KCNA2: variants seen among roughly 807,000 people sequenced by gnomAD.
KCNA2 encodes potassium voltage-gated channel subfamily A member 2, also known as potassium channel, voltage gated shaker related subfamily A, member 2.
A neutral mutation model predicts 33.4 loss-of-function variants in KCNA2; 11 were observed. The ratio of observed to expected loss-of-function variants is 0.33; its 90% CI spans 0.21 to 0.55. The LOEUF is 0.55. Ranked by LOEUF, KCNA2 falls within the 20% of genes least tolerant of loss-of-function variation. KCNA2 has a pLI of 0.93. For synonymous variants in KCNA2, 222 were observed against 231.3 expected (o/e 0.96, Z 0.37); for missense variants, 291 against 621.6 (o/e 0.47, Z 5.66).
At position 110,596,415 on chromosome 1, in the gene KCNA2, C is replaced by T. The variant is rs1016116922; in HGVS notation, c.*6868G>A. On this transcript the variant is annotated 3_prime_UTR_variant, in exon 3 of 3. Transcript: ENST00000316361. ...ACTCAGGACCAATTAACCAAAACCT[C>T]GATTGACAAGAATTATGTTTTCTTA... is the stretch of plus-strand genomic sequence containing the variant. 3.3e-5 allele frequency: 7 copies of T among 213,724 alleles called. No individual in the cohort carries two copies. The highest frequency in any genetic ancestry group is 6.5e-5 in the Admixed American group (1 of 15,336). 13.2% of individuals were successfully genotyped at this position (213,724 alleles called of 1,614,324 possible).
Position 110,611,791 on chromosome 1 carries a change from G to A in KCNA2, c.-495-6069C>T, listed in dbSNP as rs181237050. 1.1e-3 allele frequency among the ~76,000 whole-genome samples: 170 copies of A among 151,728 alleles called. 1 individual carries two copies. Among genetic ancestry groups the A allele is most frequent in the African/African-American group, 3.8e-3 (158 of 41,354 alleles). ...TAATTCTAACACTCTGGGAGGTTGA[G>A]GAAAGTGGATTGTTTGAGCCCAGGA... On this transcript the variant is annotated intron_variant, in intron 1 of 4. Transcript: ENST00000369770.
At position 110,603,019 on chromosome 1, in the gene KCNA2, C is replaced by T. The variant is rs996977127; in HGVS notation, c.*264G>A. 4.5e-6 allele frequency: 6 copies of T among 1,338,200 alleles called. No individual in the cohort carries two copies. In the African/African-American group the frequency reaches 8.9e-5, roughly 20 times the overall value. 82.9% of individuals were successfully genotyped at this position (1,338,200 alleles called of 1,614,324 possible). ...CACTGTGTATGGGATATGAGGTGGC[C>T]TCAACGTGTCTATCTGAAATCCTAG... On this transcript the variant is annotated 3_prime_UTR_variant, in exon 3 of 3. Coordinates refer to ENST00000316361, the MANE Select transcript of KCNA2 (RefSeq NM_004974.4). This position sits in a 1 kb window ranked among gnomAD's most constrained non-coding sequence, Gnocchi z 5.7.
rs1649153971 is a variant in KCNA2 at position 110,597,661 on chromosome 1, G to A, written c.*5622C>T. On this transcript the variant is annotated 3_prime_UTR_variant, in exon 3 of 3. Transcript: ENST00000316361. ...TCATGTGAACACGTGGGAAGAAGAA[G>A]AAACTACAGAGACTGTGAATGAGCC... is the stretch of plus-strand genomic sequence containing the variant. 1 of 985,298 alleles carries A rather than the reference G, an allele frequency of 1.0e-6. No individual in the cohort carries two copies. Among genetic ancestry groups the A allele is most frequent in the Non-Finnish European group, 1.2e-6 (1 of 829,948 alleles). 61.0% of individuals were successfully genotyped at this position (985,298 alleles called of 1,614,324 possible). A position where few individuals can be genotyped will look rare whatever the true frequency, so the allele number is the denominator to read the frequency against.
chr1:110,601,500 G>A lies in KCNA2; in HGVS notation c.*1783C>T. 1 of 986,096 alleles carries A rather than the reference G, an allele frequency of 1.0e-6. No individual in the cohort carries two copies. The highest frequency in any genetic ancestry group is 1.2e-6 in the Non-Finnish European group (1 of 830,436). The allele number at this position is 986,096 out of a possible 1,614,324, so 61.1% of individuals were successfully genotyped here. A position where few individuals can be genotyped will look rare whatever the true frequency, so the allele number is the denominator to read the frequency against. ...ATGAACTGTAGAGAGGAGGCCCGGG[G>A]TGGGTCTGGCCCAGGACAGCTGGAA... is the stretch of plus-strand genomic sequence containing the variant. On this transcript the variant is annotated 3_prime_UTR_variant, in exon 3 of 3. Transcript: ENST00000316361.
chr1:110,596,996 G>A lies in KCNA2; in HGVS notation c.*6287C>T. ...AATATTTGTGCAGCTGCACACTCTAGCGGGTGGTAGAGTCTTTATTTCACT... is the reference window on the plus strand; with the variant it reads ...AATATTTGTGCAGCTGCACACTCTAACGGGTGGTAGAGTCTTTATTTCACT... On this transcript the variant is annotated 3_prime_UTR_variant, in exon 3 of 3. Coordinates refer to ENST00000316361, the MANE Select transcript of KCNA2 (RefSeq NM_004974.4). The A allele has an allele frequency of 1.0e-6, 1 of 985,408 alleles. No individual in the cohort carries two copies. Among genetic ancestry groups the A allele is most frequent in the Non-Finnish European group, 1.2e-6 (1 of 829,920 alleles). The allele number at this position is 985,408 out of a possible 1,614,324, so 61.0% of individuals were successfully genotyped here. A position where few individuals can be genotyped will look rare whatever the true frequency, so the allele number is the denominator to read the frequency against.
Position 110,604,384 on chromosome 1 carries a change from G to A in KCNA2, c.399C>T (p.Ile133=), listed in dbSNP as rs745818454. The change falls in exon 3 of 3, where the codon ATC becomes ATT. Residue 133 remains isoleucine (I), a synonymous_variant. Coordinates refer to ENST00000316361, the MANE Select transcript of KCNA2 (RefSeq NM_004974.4). This position sits in a 1 kb window ranked among gnomAD's most constrained non-coding sequence, Gnocchi z 7.6. The part of the protein sequence containing the change: ...MEMFREDEGY[I]KEEERPLPEN... ...CAGGCAGAGGACGCTCTTCCTCCTT[G>A]ATGTAGCCTTCATCTTCCCGAAACA... The A allele has an allele frequency of 6.2e-7, 1 of 1,614,098 alleles. No homozygotes were observed. The highest frequency in any genetic ancestry group is 1.7e-5 in the Admixed American group (1 of 60,024).
chr1:110,607,395 C>G (rs1477323832), upstream of KCNA2: 1 of 151,180 alleles, frequency 6.6e-6, no homozygotes, highest in South Asian at 2.0e-4. Context: ...GAGCTCCCGG[C>G]CGCCGCCCGC....
In KCNA2 at chr1:110,599,909, C is replaced by T. The variant is rs1453850944; in HGVS notation, c.*3374G>A. 1 of 985,198 alleles carries T rather than the reference C, an allele frequency of 1.0e-6. No individual in the cohort carries two copies. Among genetic ancestry groups the T allele is most frequent in the Non-Finnish European group, 1.2e-6 (1 of 829,948 alleles). 61.0% of individuals were successfully genotyped at this position (985,198 alleles called of 1,614,324 possible). On this transcript the variant is annotated 3_prime_UTR_variant, in exon 3 of 3. Coordinates refer to ENST00000316361, the MANE Select transcript of KCNA2 (RefSeq NM_004974.4). Reference sequence around the variant, plus strand: ...TCCCAGGTACTTTCACACCCTGCACCCAGGTTTCTGGTGGGAGGAAGGTGA... The same window carrying T: ...TCCCAGGTACTTTCACACCCTGCACTCAGGTTTCTGGTGGGAGGAAGGTGA...
upstream of KCNA2, chr1:110,607,489 G>C (rs1414458503): frequency 6.6e-6 from 1 of 152,388 alleles, no homozygotes; most frequent in East Asian, 2.0e-4. Context: ...GGCCGGGGCC[G>C]GGGCGACAAG....
At chr1:110,619,934 C>CGACTTA (rs1003432546) in intron 1 of KCNA2, among the ~76,000 whole-genome samples, 2 of 152,102 alleles carry the variant, frequency 1.3e-5, no homozygotes, top group African/African-American at 4.8e-5. Flanking sequence ...CTCTCCAAGC[C>CGACTTA]GACTTAACGT....
In KCNA2 at chr1:110,602,390, A is replaced by G. The variant is rs1649400940; in HGVS notation, c.*893T>C. The G allele has an allele frequency of 7.2e-7, 1 of 1,394,696 alleles. No homozygotes were observed. The highest frequency in any genetic ancestry group is 1.4e-5 in the African/African-American group (1 of 69,230). The allele number at this position is 1,394,696 out of a possible 1,614,324, so 86.4% of individuals were successfully genotyped here. A position where few individuals can be genotyped will look rare whatever the true frequency, so the allele number is the denominator to read the frequency against. ...TCCTGTGTTTTAAATATTGAGATTC[A>G]TGCAACAAACACCCATGCAGCTCTA... On this transcript the variant is annotated 3_prime_UTR_variant, in exon 3 of 3. Transcript: ENST00000316361.
At position 110,603,481 on chromosome 1, in the gene KCNA2, G is replaced by C. The variant is rs141901988; in HGVS notation, c.1302C>G (p.Ser434Arg). ...CAGGGGAGGATGGGATCTTTGGACA[G>C]CTTGTCACTTGCAAGTATTGGGCCT... The part of the protein sequence containing the change: ...EEQAQYLQVT[S>R]CPKIPSSPDL... The change falls in exon 3 of 3, where the codon AGC (serine) becomes AGG (arginine). Residue 434 changes from serine to arginine, a missense_variant. This residue lies in a region of KCNA2 where 65 missense variants were observed against 95.1 expected (regional missense o/e 0.68). Coordinates refer to ENST00000316361, the MANE Select transcript of KCNA2 (RefSeq NM_004974.4). The surrounding 1 kb of genome is among the most constrained non-coding windows in gnomAD (Gnocchi z 5.7). The C allele has an allele frequency of 1.9e-6, 3 of 1,613,986 alleles. No homozygotes were observed. The highest frequency in any genetic ancestry group is 2.5e-6 in the Non-Finnish European group (3 of 1,179,994).
In KCNA2 at chr1:110,604,023, T is replaced by C; in HGVS notation, c.760A>G (p.Ile254Val). 6.2e-7 allele frequency: 1 copy of C among 1,614,224 alleles called. No homozygotes were observed. The highest frequency in any genetic ancestry group is 8.5e-7 in the Non-Finnish European group (1 of 1,180,040). Residue 254 changes from isoleucine (I) to valine (V), a missense_variant, in exon 3 of 3, where the codon ATC becomes GTC. Transcript: ENST00000316361. The surrounding 1 kb of genome is among the most constrained non-coding windows in gnomAD (Gnocchi z 7.6). ...GCCACAATGTCAATGATGTTCATGATGTTGGTGAAGAAGCCGGCTTTGCTG... is the reference window on the plus strand; with the variant it reads ...GCCACAATGTCAATGATGTTCATGACGTTGGTGAAGAAGCCGGCTTTGCTG... ...CPSKAGFFTN[I>V]MNIIDIVAII...
chr1:110,594,060 T>C lies in KCNA2; in HGVS notation c.*9223A>G, dbSNP rs1648980712. The C allele has an allele frequency of 2.0e-6, 3 of 1,475,056 alleles. 1 individual carries two copies. 91.4% of individuals were successfully genotyped at this position (1,475,056 alleles called of 1,614,324 possible). A position where few individuals can be genotyped will look rare whatever the true frequency, so the allele number is the denominator to read the frequency against. On this transcript the variant is annotated 3_prime_UTR_variant, in exon 3 of 3. Coordinates refer to ENST00000316361, the MANE Select transcript of KCNA2 (RefSeq NM_004974.4). The stretch of plus-strand genomic sequence containing the variant: ...TCACCATGGAGACCCCAGTTCCCTT[T>C]CGGCATCATCCTTACGAAGCTTTAC...
At position 110,601,903 on chromosome 1, in the gene KCNA2, T is replaced by C; in HGVS notation, c.*1380A>G. On this transcript the variant is annotated 3_prime_UTR_variant, in exon 3 of 3. Transcript: ENST00000316361. ...AGTCAAACACATGCATAAATTGCCC[T>C]TTGTCAAAAATATTGCATAAGCTTG... The C allele has an allele frequency of 6.9e-6, 10 of 1,458,306 alleles. No homozygotes were observed. Among genetic ancestry groups the C allele is most frequent in the Non-Finnish European group, 9.0e-6 (10 of 1,108,406 alleles). The allele number at this position is 1,458,306 out of a possible 1,614,324, so 90.3% of individuals were successfully genotyped here.
At chr1:110,620,612 T>C (rs1650230331) in intron 1 of KCNA2, among the ~76,000 whole-genome samples, 1 of 152,130 alleles carries the variant, frequency 6.6e-6, no homozygotes, top group Non-Finnish European at 1.5e-5. Context: ...TGGTGAGCTG[T>C]TGGCCTAACC....
At position 110,594,051 on chromosome 1, in the gene KCNA2, A is replaced by G; in HGVS notation, c.*9232T>C. ...AGCCTCTTATCACCATGGAGACCCC[A>G]GTTCCCTTTCGGCATCATCCTTACG... is the stretch of plus-strand genomic sequence containing the variant. On this transcript the variant is annotated 3_prime_UTR_variant, in exon 3 of 3. Transcript: ENST00000316361. 6.7e-7 allele frequency: 1 copy of G among 1,492,694 alleles called. No individual in the cohort carries two copies. The highest frequency in any genetic ancestry group is 8.9e-7 in the Non-Finnish European group (1 of 1,123,200). 92.5% of individuals were successfully genotyped at this position (1,492,694 alleles called of 1,614,324 possible).
Position 110,596,264 on chromosome 1 carries a change from A to G in KCNA2, c.*7019T>C. On this transcript the variant is annotated 3_prime_UTR_variant, in exon 3 of 3. Transcript: ENST00000316361. ...CCTTGGATTGCCAAATTTATTCCAC[A>G]TAAGTGAAACTAAGGAGATTGGTCA... 1.0e-6 allele frequency: 1 copy of G among 982,464 alleles called. No individual in the cohort carries two copies. Among genetic ancestry groups the G allele is most frequent in the Non-Finnish European group, 1.2e-6 (1 of 827,286 alleles). 60.9% of individuals were successfully genotyped at this position (982,464 alleles called of 1,614,324 possible).
rs1274844671 is a variant in KCNA2 at position 110,600,957 on chromosome 1, C to T, written c.*2326G>A. The T allele has an allele frequency of 1.6e-5, 16 of 985,414 alleles. No homozygotes were observed. The highest frequency in any genetic ancestry group is 7.0e-5 in the African/African-American group (4 of 57,334). 61.0% of individuals were successfully genotyped at this position (985,414 alleles called of 1,614,324 possible). The stretch of plus-strand genomic sequence containing the variant: ...GGGCTGGAGCCACCCCTGCATAGCC[C>T]GACCCCTGCAATTCACTGTTTGGGA... On this transcript the variant is annotated 3_prime_UTR_variant, in exon 3 of 3. Transcript: ENST00000316361.
Sources: gnomAD v4.1 joint callset for allele counts (sites outside exome capture counted in the v4.1 genomes callset) on GRCh38, gnomAD v4.1.1 for gene constraint, gnomAD v4.1.1 regional missense constraint, Gnocchi (gnomAD v3.1) non-coding constraint, MANE v1.5 for transcripts, NCBI Gene and HGNC (gene_info 2026-07-23, HGNC 2026-07-21) for gene names.